SORCS2: variants seen among roughly 807,000 people sequenced by gnomAD.
SORCS2 encodes the protein sortilin related VPS10 domain containing receptor 2, also known as VPS10 domain-containing receptor SorCS2.
Under a neutral mutation model 141.6 loss-of-function variants are expected in SORCS2, and 100 were observed. The ratio of observed to expected loss-of-function variants is 0.71; its 90% CI spans 0.60 to 0.83. SORCS2 has a LOEUF of 0.83. Ranked by LOEUF, SORCS2 falls within the 40% of genes least tolerant of loss-of-function variation. The pLI is 0.00. For missense variants in SORCS2, 1,646 were observed against 1,560.2 expected (o/e 1.05, Z -0.93); for synonymous variants, 789 against 676.9 (o/e 1.17, Z -2.57).
chr4:7,389,313 G>C (rs983588641), intron 1 of SORCS2, among the ~76,000 whole-genome samples: 3 of 152,160 alleles, frequency 2.0e-5, no homozygotes, highest in Non-Finnish European at 4.4e-5. Flanking sequence ...GCCAAATCCT[G>C]TGTGATCCCG....
intron 2 of SORCS2, among the ~76,000 whole-genome samples, chr4:7,478,740 C>G (rs28566581): frequency 0.041 from 6,298 of 152,168 alleles, 426 homozygotes; most frequent in African/African-American, 0.14. Context: ...AACATGGAGA[C>G]AGTGGTGTGG....
chr4:7,548,169 A>G lies in SORCS2; in HGVS notation c.648+16540A>G, dbSNP rs147337698. Among the ~76,000 whole-genome samples, 607 of 152,280 alleles carry G rather than the reference A, an allele frequency of 4.0e-3. 7 individuals are homozygous for G. The highest frequency in any genetic ancestry group is 0.013 in the African/African-American group (531 of 41,572). On this transcript the variant is annotated intron_variant, in intron 3 of 26. Coordinates refer to ENST00000507866, the MANE Select transcript of SORCS2 (RefSeq NM_020777.3). ...GGAAGGCCTTTGAGGGCTCCAACACATATTACCAACCTTGCTTTTTCAAAG... is the reference window on the plus strand; with the variant it reads ...GGAAGGCCTTTGAGGGCTCCAACACGTATTACCAACCTTGCTTTTTCAAAG...
intron 7 of SORCS2, among the ~76,000 whole-genome samples, chr4:7,665,173 C>T (rs570082396): frequency 6.6e-6 from 1 of 152,342 alleles, no homozygotes; most frequent in African/African-American, 2.4e-5. Flanking sequence ...TGGGTGCCCT[C>T]TCCCCAGAAG....
At chr4:7,526,715 G>T (rs1416570436) in intron 2 of SORCS2, among the ~76,000 whole-genome samples, 1 of 152,180 alleles carries the variant, frequency 6.6e-6, no homozygotes, top group Non-Finnish European at 1.5e-5. Flanking sequence ...GATTGTAAGA[G>T]CGAGTCTCTC....
chr4:7,710,026 G>T (rs1487675702), intron 14 of SORCS2, among the ~76,000 whole-genome samples: 1 of 152,158 alleles, frequency 6.6e-6, no homozygotes, highest in Non-Finnish European at 1.5e-5. Context: ...CTTTCTCATG[G>T]TATCAGCTGA....
chr4:7,283,919 T>C (rs188114065), intron 1 of SORCS2, among the ~76,000 whole-genome samples: 17 of 152,208 alleles, frequency 1.1e-4, no homozygotes, highest in African/African-American at 4.1e-4. Context: ...GAGGGATCCT[T>C]TGTGTTTTGA....
intron 3 of SORCS2, among the ~76,000 whole-genome samples, chr4:7,558,622 G>C (rs953878024): frequency 2.6e-5 from 4 of 152,200 alleles, no homozygotes; most frequent in African/African-American, 9.7e-5. Flanking sequence ...CACATGAGCT[G>C]ACGTGAGTGA....
In SORCS2 at chr4:7,192,940, C is replaced by T. The variant is rs1726933373; in HGVS notation, c.294C>T (p.Pro98=). Residue 98 remains proline (P), a synonymous_variant, in exon 1 of 27, where the codon CCC becomes CCT. Coordinates refer to ENST00000507866, the MANE Select transcript of SORCS2 (RefSeq NM_020777.3). This position sits in a 1 kb window ranked among gnomAD's most constrained non-coding sequence, Gnocchi z 4.0. ...AGCCAGGCGCCCCGGGTCCGAGTCC[C>T]GGTCCCGCTCCTGGTCCCGGCGAGG... ...GTEPGAPGPS[P]GPAPGPGEDG... The T allele has an allele frequency of 2.3e-6, 3 of 1,296,946 alleles. No individual in the cohort carries two copies. Among genetic ancestry groups the T allele is most frequent in the Admixed American group, 4.3e-5 (1 of 23,358 alleles). The allele number at this position is 1,296,946 out of a possible 1,614,324, so 80.3% of individuals were successfully genotyped here.
chr4:7,382,168 C>T (rs941731174), intron 1 of SORCS2, among the ~76,000 whole-genome samples: 7 of 152,102 alleles, frequency 4.6e-5, no homozygotes, highest in Admixed American at 3.9e-4. Context: ...AGCCAGCCCT[C>T]AGAGCAGGGC....
chr4:7,301,746 G>A (rs1208033688), intron 1 of SORCS2, among the ~76,000 whole-genome samples: 1 of 152,236 alleles, frequency 6.6e-6, no homozygotes, highest in East Asian at 1.9e-4. Context: ...ATGGGCAATT[G>A]CTCTCCTTTT....
chr4:7,401,570 C>T (rs1316454055), intron 2 of SORCS2, among the ~76,000 whole-genome samples: 1 of 152,188 alleles, frequency 6.6e-6, no homozygotes, highest in Non-Finnish European at 1.5e-5. Context: ...TGGGCTGCTC[C>T]CTATGTCCTG....
At chr4:7,314,546 A>T (rs1311743825) in intron 1 of SORCS2, among the ~76,000 whole-genome samples, 1 of 151,930 alleles carries the variant, frequency 6.6e-6, no homozygotes, top group Non-Finnish European at 1.5e-5. Context: ...TCACCGTGTT[A>T]GCCAGGATGT....
Position 7,664,239 on chromosome 4 carries a change from C to A in SORCS2, c.953-114C>A. On this transcript the variant is annotated intron_variant, in intron 6 of 26. Transcript: ENST00000507866. This position sits in a 1 kb window ranked among gnomAD's most constrained non-coding sequence, Gnocchi z 4.7. Reference sequence around the variant, plus strand: ...TCACGGTGGCCTTTAGAATTCAAGCCCATGAAGCCACACCACAGCGGTATT... The same window carrying A: ...TCACGGTGGCCTTTAGAATTCAAGCACATGAAGCCACACCACAGCGGTATT... 1 of 792,468 alleles carries A rather than the reference C, an allele frequency of 1.3e-6. No individual in the cohort carries two copies. Among genetic ancestry groups the A allele is most frequent in the Non-Finnish European group, 2.0e-6 (1 of 503,920 alleles). The allele number at this position is 792,468 out of a possible 1,614,324, so 49.1% of individuals were successfully genotyped here.
chr4:7,387,915 C>T (rs923450813), intron 1 of SORCS2, among the ~76,000 whole-genome samples: 1 of 150,376 alleles, frequency 6.6e-6, no homozygotes, highest in African/African-American at 2.5e-5. Context: ...TACACACATG[C>T]ACACACCCAC....
chr4:7,680,724 C>G (rs189155053), intron 9 of SORCS2, among the ~76,000 whole-genome samples: 1 of 152,250 alleles, frequency 6.6e-6, no homozygotes, highest in Non-Finnish European at 1.5e-5. Flanking sequence ...CCCTTGGCTC[C>G]TGACTCTGTC....
chr4:7,703,307 T>A lies in SORCS2; in HGVS notation c.1696T>A (p.Tyr566Asn), dbSNP rs1401291151. ...QVFEEEHHIL[Y>N]LDHGGVIVAI... The stretch of plus-strand genomic sequence containing the variant: ...GTTTGAGGAAGAGCATCACATCCTG[T>A]ACCTGGACCACGGCGGCGTGATCGT... Residue 566 changes from tyrosine (Y) to asparagine (N), a missense_variant, in exon 13 of 27, where the codon TAC becomes AAC. By Grantham distance (143) the Tyr-to-Asn change is moderately radical (BLOSUM62 -2). Transcript: ENST00000507866. 6.2e-7 allele frequency: 1 copy of A among 1,613,302 alleles called. No homozygotes were observed. The highest frequency in any genetic ancestry group is 1.1e-5 in the South Asian group (1 of 90,856).
chr4:7,221,803 T>C (rs1024130136), intron 1 of SORCS2, among the ~76,000 whole-genome samples: 14 of 152,202 alleles, frequency 9.2e-5, no homozygotes, highest in Non-Finnish European at 1.9e-4. Context: ...TCACTGACTC[T>C]TGGAGAAAGA....
At chr4:7,673,706 A>G (rs1020452895) in intron 8 of SORCS2, among the ~76,000 whole-genome samples, 1 of 152,142 alleles carries the variant, frequency 6.6e-6, no homozygotes. Flanking sequence ...CATTTACCCA[A>G]TGCATTTACC....
chr4:7,724,477 GTGGTGA>G lies in SORCS2; in HGVS notation c.2611+600_2611+605del, dbSNP rs1393825429. Reference sequence around the variant, plus strand: ...GGTGATGGTGGTGGTGATGGTGATGGTGGTGATGGTGGTGGTGGTGACAATGGTGGT... The same window carrying G: ...GGTGATGGTGGTGGTGATGGTGATGGTGGTGGTGGTGGTGACAATGGTGGT... On this transcript the variant is annotated intron_variant, in intron 19 of 26. Transcript: ENST00000507866. Among the ~76,000 whole-genome samples, 220 of 59,452 alleles carry G rather than the reference GTGGTGA, an allele frequency of 3.7e-3. 9 individuals are homozygous for G. Among genetic ancestry groups the G allele is most frequent in the Non-Finnish European group, 5.9e-3 (171 of 28,984 alleles). The allele number at this position is 59,452 out of a possible 152,430, so 39.0% of individuals were successfully genotyped here.
Sources: allele counts gnomAD v4.1 joint callset (sites outside exome capture counted in the v4.1 genomes callset), GRCh38; gene constraint gnomAD v4.1.1; non-coding constraint Gnocchi (gnomAD v3.1); transcripts MANE v1.5; gene names NCBI Gene and HGNC (gene_info 2026-07-23, HGNC 2026-07-21).